The following PDE3A variants were observed in gnomAD, a reference collection of about 807,000 sequenced individuals.
The protein encoded by PDE3A is cGMP-inhibited 3',5'-cyclic phosphodiesterase 3A.
A neutral mutation model predicts 98.3 loss-of-function variants in PDE3A; 43 were observed. The ratio of observed to expected loss-of-function variants is 0.44; its 90% confidence interval spans 0.34 to 0.56. The LOEUF (loss-of-function observed/expected upper bound fraction) is 0.56, where lower values mean the gene tolerates loss of function less well. Ranked by LOEUF, PDE3A falls within the 20% of genes least tolerant of loss-of-function variation. The pLI is 0.01. For missense variants in PDE3A, 1,427 were observed against 1,440.7 expected (o/e 0.99, Z 0.15); for synonymous variants, 663 against 567.9 (o/e 1.17, Z -2.38).
chr12:20,499,490 A>G (rs1274460233), intron 1 of PDE3A, among the ~76,000 whole-genome samples: 1 of 152,174 alleles, frequency 6.6e-6, no homozygotes, highest in Admixed American at 6.5e-5. Flanking sequence ...TTTTTATGAT[A>G]TAACATATAT....
intron 1 of PDE3A, among the ~76,000 whole-genome samples, chr12:20,391,427 T>TAC (rs1271936081): frequency 5.7e-4 from 85 of 148,032 alleles, no homozygotes; most frequent in Middle Eastern, 7.1e-3. Context: ...TATATATATA[T>TAC]ACAATTCCGG....
chr12:20,518,648 G>T (rs932799466), intron 1 of PDE3A, among the ~76,000 whole-genome samples: 5 of 152,084 alleles, frequency 3.3e-5, no homozygotes, highest in Non-Finnish European at 5.9e-5. Flanking sequence ...GATCCGAAGT[G>T]TTTGTTCTTC....
intron 14 of PDE3A, among the ~76,000 whole-genome samples, chr12:20,651,208 TACC>T: frequency 6.6e-6 from 1 of 152,148 alleles, no homozygotes; most frequent in Non-Finnish European, 1.5e-5. Context: ...CTCAGAAAGC[TACC>T]ACAATTACAT....
At chr12:20,655,730 C>T (rs542565762) in intron 15 of PDE3A, among the ~76,000 whole-genome samples, 4 of 152,262 alleles carry the variant, frequency 2.6e-5, no homozygotes, top group South Asian at 2.1e-4. Flanking sequence ...TGGTTTTGAA[C>T]GGAAGAGTTA....
intron 2 of PDE3A, chr12:20,572,030 G>A: frequency 8.1e-6 from 9 of 1,113,690 alleles, no homozygotes; most frequent in Non-Finnish European, 1.0e-5. Flanking sequence ...AGGATAGCTG[G>A]AGTTGCAATC....
intron 1 of PDE3A, among the ~76,000 whole-genome samples, chr12:20,506,849 A>T (rs1051884597): frequency 1.3e-5 from 2 of 152,038 alleles, no homozygotes; most frequent in Non-Finnish European, 2.9e-5. Context: ...TGATCACTTA[A>T]TGTTTCATAT....
chr12:20,391,922 A>G (rs1174035411), intron 1 of PDE3A, among the ~76,000 whole-genome samples: 2 of 151,896 alleles, frequency 1.3e-5, no homozygotes, highest in African/African-American at 2.4e-5. Context: ...TTTTTACAAT[A>G]TACACTTGCC....
At position 20,680,869 on chromosome 12, in the gene PDE3A, TGA is replaced by T. The variant is rs1945764155; in HGVS notation, c.*599_*600del. ...GTGTGTGTGTGTGTGTGTGTGTGTG[TGA>T]AAGAGAGACAGAAGGGAATGGTTTG... On this transcript the variant is annotated 3_prime_UTR_variant, in exon 16 of 16. Transcript: ENST00000359062. The T allele has an allele frequency of 7.2e-6, 1 of 138,832 alleles. No individual in the cohort carries two copies. The highest frequency in any genetic ancestry group is 1.6e-5 in the Non-Finnish European group (1 of 64,118). The allele number at this position is 138,832 out of a possible 1,614,324, so 8.6% of individuals were successfully genotyped here. A position where few individuals can be genotyped will look rare whatever the true frequency, so the allele number is the denominator to read the frequency against.
chr12:20,371,566 G>T, intron 1 of PDE3A: 1 of 515,540 alleles, frequency 1.9e-6, no homozygotes, highest in Non-Finnish European at 2.5e-6. Flanking sequence ...TGGCTAGTTG[G>T]TTTCTGAAAT....
intron 1 of PDE3A, among the ~76,000 whole-genome samples, chr12:20,452,658 G>T (rs1015229084): frequency 1.3e-5 from 2 of 152,166 alleles, no homozygotes; most frequent in African/African-American, 2.4e-5. Context: ...CATCTCAGGG[G>T]ATCTTATGTG....
chr12:20,652,038 G>A (rs1036254264), intron 14 of PDE3A, among the ~76,000 whole-genome samples: 9 of 151,926 alleles, frequency 5.9e-5, no homozygotes, highest in African/African-American at 1.7e-4. Context: ...TTGTCCTTGC[G>A]ATAGTTTGCT....
chr12:20,568,667 T>C (rs1942721241), intron 2 of PDE3A, among the ~76,000 whole-genome samples: 1 of 151,976 alleles, frequency 6.6e-6, no homozygotes, highest in African/African-American at 2.4e-5. Context: ...ATTTAATGAA[T>C]ATTAAAATTT....
chr12:20,492,582 G>C lies in PDE3A; in HGVS notation c.961-64078G>C, dbSNP rs76187888. Reference sequence around the variant, plus strand: ...CACTAGGACCAAAGGCACGAGGAGAGGGAGGTGTAACTGAGACCCAGTGAG... The same window carrying C: ...CACTAGGACCAAAGGCACGAGGAGACGGAGGTGTAACTGAGACCCAGTGAG... On this transcript the variant is annotated intron_variant, in intron 1 of 15. Coordinates refer to ENST00000359062, the MANE Select transcript of PDE3A (RefSeq NM_000921.5). Among the ~76,000 whole-genome samples the C allele has an allele frequency of 3.6e-3, 553 of 152,258 alleles. 5 individuals carry two copies. The highest frequency in any genetic ancestry group is 0.012 in the African/African-American group (519 of 41,542).
intron 1 of PDE3A, among the ~76,000 whole-genome samples, chr12:20,426,972 G>T (rs1317450759): frequency 6.6e-6 from 1 of 152,120 alleles, no homozygotes; most frequent in East Asian, 1.9e-4. Context: ...GGCACTATTG[G>T]TTATTCTAAG....
At chr12:20,610,712 G>T (rs760174338) in intron 2 of PDE3A, among the ~76,000 whole-genome samples, 3 of 151,908 alleles carry the variant, frequency 2.0e-5, no homozygotes, top group Admixed American at 2.0e-4. Context: ...CTTTAAAAAG[G>T]AAGGAGATCC....
intron 1 of PDE3A, among the ~76,000 whole-genome samples, chr12:20,468,183 A>T (rs1473776530): frequency 6.6e-6 from 1 of 152,042 alleles, no homozygotes; most frequent in Non-Finnish European, 1.5e-5. Flanking sequence ...TCCATTTGCA[A>T]TTGATTTCTG....
rs768390412 is a variant in PDE3A at position 20,634,984 on chromosome 12, A to C, written c.1929A>C (p.Thr643=). Residue 643 remains threonine, a synonymous_variant, in exon 8 of 16, where the codon ACA becomes ACC. Transcript: ENST00000359062. The part of the protein sequence containing the change: ...SSDIVQNEDE[T]ECLREPLRKA... ...ACATTGTACAGAATGAAGATGAAAC[A>C]GAGTGCCTGAGAGAGCCTCTGAGGA... is the stretch of plus-strand genomic sequence containing the variant. 1.2e-5 allele frequency: 20 copies of C among 1,613,036 alleles called. No individual in the cohort carries two copies. Among genetic ancestry groups the C allele is most frequent in the Non-Finnish European group, 1.7e-5 (20 of 1,179,008 alleles).
intron 1 of PDE3A, 47 bp downstream of exon 1, chr12:20,370,291 T>C: frequency 2.0e-6 from 3 of 1,473,900 alleles, no homozygotes; most frequent in Non-Finnish European, 2.7e-6. Context: ...CTTGAAACAC[T>C]TGGCAACCGG....
At chr12:20,414,992 A>G (rs1489282299) in intron 1 of PDE3A, among the ~76,000 whole-genome samples, 3 of 150,408 alleles carry the variant, frequency 2.0e-5, no homozygotes, top group Non-Finnish European at 4.5e-5. Flanking sequence ...TAAACTTTAC[A>G]GGATTGCTGA....
Sources: allele counts gnomAD v4.1 joint callset (sites outside exome capture counted in the v4.1 genomes callset), GRCh38; gene constraint gnomAD v4.1.1; transcripts MANE v1.5; gene names NCBI Gene and HGNC (gene_info 2026-07-23, HGNC 2026-07-21).